The following QRICH1 variants were observed in gnomAD, a reference collection of about 807,000 sequenced individuals.
The protein encoded by QRICH1 is glutamine rich 1, also known as transcriptional regulator QRICH1.
QRICH1 carries 16 observed loss-of-function variants against 87.1 expected under a neutral mutation model. The ratio of observed to expected loss-of-function variants is 0.18; its 90% CI spans 0.12 to 0.28. The LOEUF (loss-of-function observed/expected upper bound fraction) is 0.28. Among genes scored for constraint, QRICH1 ranks in the 10% least tolerant of loss-of-function variants. The pLI, the probability that QRICH1 is intolerant of heterozygous loss-of-function variation, is 1.00. For synonymous variants in QRICH1, 367 were observed against 368.4 expected, an observed-to-expected ratio of 1.00 and a Z score of 0.05; for missense variants, 647 against 951.7, an observed-to-expected ratio of 0.68 and a Z score of 4.21.
intron 3 of QRICH1, among the ~76,000 whole-genome samples, chr3:49,055,957 G>A (rs1168003567): frequency 1.3e-5 from 2 of 151,334 alleles, no homozygotes; most frequent in Non-Finnish European, 2.9e-5. Context: ...GGGGTAACAT[G>A]CATGAGCCAC....
chr3:49,087,744 T>C (rs1193854937), intron 1 of QRICH1, among the ~76,000 whole-genome samples: 3 of 119,708 alleles, frequency 2.5e-5, no homozygotes, highest in African/African-American at 6.3e-5. Context: ...CGGGGTACCA[T>C]GCGCCTGTAG....
intron 6 of QRICH1, among the ~76,000 whole-genome samples, chr3:49,038,813 G>T (rs1481600444): frequency 6.6e-6 from 1 of 152,136 alleles, no homozygotes; most frequent in Non-Finnish European, 1.5e-5. Flanking sequence ...GATCACCTGA[G>T]GTTAGAGGTT....
chr3:49,033,265 G>C (rs952203911), intron 6 of QRICH1, 37 bp from the exon 7 acceptor site: 1 of 1,351,030 alleles, frequency 7.4e-7, no homozygotes, highest in East Asian at 2.7e-5. Flanking sequence ...CAAGAGGATG[G>C]CAGGTGGTCT....
Position 49,053,187 on chromosome 3 carries a change from G to T in QRICH1, c.1338+3675C>A, listed in dbSNP as rs145544036. ...GAAAATCAGGAATGTGTAATAACAT[G>T]CAAGTCTAAAGAAAGTCTCGGCCAG... On this transcript the variant is annotated intron_variant, in intron 3 of 9. Coordinates refer to ENST00000395443, the MANE Select transcript of QRICH1 (RefSeq NM_198880.3). 3.2e-3 allele frequency among the ~76,000 whole-genome samples: 480 copies of T among 152,126 alleles called. 2 individuals carry two copies. Among genetic ancestry groups the T allele is most frequent in the African/African-American group, 0.011 (453 of 41,522 alleles).
intron 2 of QRICH1, among the ~76,000 whole-genome samples, chr3:49,069,904 CA>C (rs1443606507): frequency 1.3e-5 from 2 of 152,108 alleles, no homozygotes; most frequent in Non-Finnish European, 2.9e-5. Flanking sequence ...AGTCTCTAGT[CA>C]ATTCCCAACC....
In QRICH1 at chr3:49,033,202, C is replaced by A; in HGVS notation, c.1813G>T (p.Glu605Ter). 6.3e-7 allele frequency: 1 copy of A among 1,577,826 alleles called. No homozygotes were observed. Residue 605 changes from glutamate (E) to a stop codon, truncating the protein, a stop_gained, in exon 7 of 10, where the codon GAG (glutamate) becomes TAG (stop). Transcript: ENST00000395443. LOFTEE classifies it high-confidence loss of function. ...LGYVLPSHVTEEMLWECKQLG... is the reference protein window; with the variant it reads ...LGYVLPSHVT ...TGCTTGCACTCCCATAGCATCTCCT[C>A]AGTCACGTGGCTGGGCAAGACATAG...
At chr3:49,054,531 G>C (rs1297050843) in intron 3 of QRICH1, among the ~76,000 whole-genome samples, 2 of 126,918 alleles carry the variant, frequency 1.6e-5, no homozygotes, top group African/African-American at 6.1e-5. Context: ...AGTTGCATTA[G>C]GGCATGTCCC....
chr3:49,087,960 T>A (rs1208791598), intron 1 of QRICH1, among the ~76,000 whole-genome samples: 7 of 150,600 alleles, frequency 4.6e-5, no homozygotes, highest in Non-Finnish European at 8.9e-5. Context: ...TCATTTATTT[T>A]TTTTTTTTTG....
At position 49,030,127 on chromosome 3, in the gene QRICH1, G is replaced by A; in HGVS notation, c.*325C>T. 1 of 420,556 alleles carries A rather than the reference G, an allele frequency of 2.4e-6. No individual in the cohort carries two copies. Among genetic ancestry groups the A allele is most frequent in the East Asian group, 3.7e-5 (1 of 26,798 alleles). 26.1% of individuals were successfully genotyped at this position (420,556 alleles called of 1,614,324 possible). On this transcript the variant is annotated 3_prime_UTR_variant, in exon 10 of 10. Transcript: ENST00000395443. ...ATCCATCATTAATTCCATCTCTCTTGAAGATGGAAAGGGGCCACATTTCTT... is the reference window on the plus strand; with the variant it reads ...ATCCATCATTAATTCCATCTCTCTTAAAGATGGAAAGGGGCCACATTTCTT...
chr3:49,055,086 G>C (rs1436852634), intron 3 of QRICH1, among the ~76,000 whole-genome samples: 2 of 152,064 alleles, frequency 1.3e-5, no homozygotes, highest in East Asian at 3.8e-4. Context: ...TAAGCTATAT[G>C]AAGCAAAAAA....
chr3:49,081,219 C>G (rs1290993932), intron 1 of QRICH1, among the ~76,000 whole-genome samples: 1 of 151,928 alleles, frequency 6.6e-6, no homozygotes, highest in African/African-American at 2.4e-5. Flanking sequence ...GAGATCGAGA[C>G]CAGCCTGGCC....
At chr3:49,033,282 G>A in intron 6 of QRICH1, 54 bp from the exon 7 acceptor site, 3 of 1,098,064 alleles carry the variant, frequency 2.7e-6, no homozygotes, top group Non-Finnish European at 2.5e-6. Context: ...GTCTCTCAAA[G>A]GTACAATATG....
intron 6 of QRICH1, among the ~76,000 whole-genome samples, chr3:49,041,481 C>T (rs993396743): frequency 6.6e-6 from 1 of 152,130 alleles, no homozygotes. Context: ...GTGTGAGCTA[C>T]CAGGCCCAGC....
At chr3:49,033,293 G>A (rs908022146) in intron 6 of QRICH1, 65 bp from the exon 7 acceptor site, 1 of 1,026,002 alleles carries the variant, frequency 9.7e-7, no homozygotes, top group Non-Finnish European at 1.4e-6. Flanking sequence ...GTACAATATG[G>A]GATGTGTGAA....
At chr3:49,086,424 T>A (rs2042167449) in intron 1 of QRICH1, among the ~76,000 whole-genome samples, 1 of 151,762 alleles carries the variant, frequency 6.6e-6, no homozygotes, top group Non-Finnish European at 1.5e-5. Flanking sequence ...GCCCGGCTAA[T>A]TTTTTTGTAT....
chr3:49,051,582 G>GCCC (rs1491142511), intron 3 of QRICH1, among the ~76,000 whole-genome samples: 4 of 14,558 alleles, frequency 2.7e-4, no homozygotes, highest in African/African-American at 4.9e-4. Context: ...AACCCCCCCT[G>GCCC]CGCCCCCCCC....
At chr3:49,064,504 C>T (rs1206901948) in intron 2 of QRICH1, among the ~76,000 whole-genome samples, 1 of 151,922 alleles carries the variant, frequency 6.6e-6, no homozygotes, top group Non-Finnish European at 1.5e-5. Context: ...CCACCTACCG[C>T]ATCCTCCCAA....
intron 1 of QRICH1, chr3:49,093,277 C>T (rs2042313788): frequency 6.6e-6 from 1 of 152,198 alleles, no homozygotes; most frequent in African/African-American, 2.4e-5. Flanking sequence ...TAACGGCATT[C>T]TTCGAGGAGA....
chr3:49,046,636 TCAG>T, intron 4 of QRICH1, 57 bp from the exon 5 acceptor site: 1 of 1,569,448 alleles, frequency 6.4e-7, no homozygotes, highest in Non-Finnish European at 8.7e-7. Context: ...TCTGGAAGGC[TCAG>T]AACAGATACT....
Sources: allele counts gnomAD v4.1 joint callset (sites outside exome capture counted in the v4.1 genomes callset), GRCh38; gene constraint gnomAD v4.1.1; transcripts MANE v1.5; gene names NCBI Gene and HGNC (gene_info 2026-07-23, HGNC 2026-07-21).